MED16: variants seen among roughly 807,000 people sequenced by gnomAD.
MED16 encodes mediator of RNA polymerase II transcription subunit 16.
MED16 carries 81 observed loss-of-function variants against 84.4 expected under a neutral mutation model. The observed-to-expected ratio is 0.96, with a 90% CI of 0.80 to 1.15. The LOEUF (loss-of-function observed/expected upper bound fraction) is 1.15, where lower values mean the gene tolerates loss of function less well. MED16 is among the 50% of genes most tolerant of loss of function. The pLI is 0.00. For synonymous variants in MED16, 897 were observed against 552.2 expected, an observed-to-expected ratio of 1.62 and a Z score of -8.76; for missense variants, 1,585 against 1,245.9, an observed-to-expected ratio of 1.27 and a Z score of -4.10.
In MED16 at chr19:868,191, A is replaced by G; in HGVS notation, c.2544T>C (p.Pro848=). 2 of 1,608,126 alleles carry G rather than the reference A, an allele frequency of 1.2e-6. No homozygotes were observed. The highest frequency in any genetic ancestry group is 1.7e-6 in the Non-Finnish European group (2 of 1,177,926). ...ACTGCGGGCCCAGCTGGACAAAGGC[A>G]GGGGCTTCCTCAGAAGCTCTGCTGG... The part of the protein sequence containing the change: ...CVTSRASEEA[P]AFVQLGPQST... Residue 848 remains proline (P), a synonymous_variant, in exon 16 of 16, where the codon CCT becomes CCC. Coordinates refer to ENST00000325464, the MANE Select transcript of MED16 (RefSeq NM_005481.3).
chr19:871,074 C>T lies in MED16; in HGVS notation c.2278G>A (p.Gly760Ser). 6.5e-7 allele frequency: 1 copy of T among 1,547,148 alleles called. No homozygotes were observed. The highest frequency in any genetic ancestry group is 1.2e-5 in the South Asian group (1 of 83,940). ...LQFGRAPTLP[G>S]SAATLQLDGL... ...TCGAGCTGCAGGGTGGCAGCACTGC[C>T]AGGCAGCGTGGGCGCCCGGCCAAAC... The change falls in exon 13 of 16, where the codon GGC becomes AGC. Residue 760 changes from glycine to serine, a missense_variant. Gly to Ser is a moderately conservative substitution (Grantham distance 56, BLOSUM62 0). Coordinates refer to ENST00000325464, the MANE Select transcript of MED16 (RefSeq NM_005481.3).
chr19:890,259 C>A lies in MED16; in HGVS notation c.170-15G>T, dbSNP rs778877685. On this transcript the variant is annotated splice_polypyrimidine_tract_variant and intron_variant, in intron 2 of 15. Transcript: ENST00000325464. ...GCGGGTCAGGTCTGTGGGGACGGGG[C>A]ATGGTCAGCACGGCCTGGCACCACA... 4.0e-6 allele frequency: 6 copies of A among 1,513,426 alleles called. No individual in the cohort carries two copies. In the African/African-American group the frequency reaches 6.9e-5, roughly 18 times the overall value. 93.7% of individuals were successfully genotyped at this position (1,513,426 alleles called of 1,614,324 possible).
At chr19:890,305 A>T in intron 2 of MED16, 61 bp from the exon 3 acceptor site, 1 of 1,206,688 alleles carries the variant, frequency 8.3e-7, no homozygotes, top group Non-Finnish European at 1.1e-6. Context: ...GATGACGATG[A>T]CTCCAGGCAG....
intron 6 of MED16, among the ~76,000 whole-genome samples, chr19:882,407 G>A (rs776208404): frequency 6.6e-6 from 1 of 151,832 alleles, no homozygotes; most frequent in Non-Finnish European, 1.5e-5. Context: ...CACGCCTGTA[G>A]TCCCAGCTAC....
chr19:886,261 C>T, intron 4 of MED16, 60 bp from the exon 5 acceptor site: 1 of 1,369,848 alleles, frequency 7.3e-7, no homozygotes, highest in Non-Finnish European at 9.7e-7. Flanking sequence ...TGCCCCATGA[C>T]CCCCAGAAAC....
Position 886,109 on chromosome 19 carries a change from G to A in MED16, c.540C>T (p.Ile180=), listed in dbSNP as rs748888768. The part of the protein sequence containing the change: ...LFGGKPMEGW[I]AVTVSGLVTV... The stretch of plus-strand genomic sequence containing the variant: ...TGACCAGGCCGCTGACCGTCACCGC[G>A]ATCCAGCCCTCCATGGGCTTGCCGC... Residue 180 remains isoleucine (I), a synonymous_variant, in exon 5 of 16, where the codon ATC becomes ATT. Transcript: ENST00000325464. The A allele has an allele frequency of 1.6e-5, 26 of 1,586,488 alleles. No individual in the cohort carries two copies. The highest frequency in any genetic ancestry group is 2.2e-5 in the South Asian group (2 of 90,494).
chr19:868,926 A>G lies in MED16; in HGVS notation c.2336T>C (p.Ile779Thr). 1 of 1,547,060 alleles carries G rather than the reference A, an allele frequency of 6.5e-7. No individual in the cohort carries two copies. The highest frequency in any genetic ancestry group is 8.7e-7 in the Non-Finnish European group (1 of 1,152,138). The change falls in exon 14 of 16, where the codon ATC becomes ACC. Residue 779 changes from isoleucine to threonine, a missense_variant. Transcript: ENST00000325464. ...GLARAPGQPK[I>T]DHLRRLHLGA... ...AAGGTGCAGCCTCCGCAGGTGGTCG[A>G]TCTTGGGCTGGCCTGGGGCCCTGGC...
rs557103090 is a variant in MED16 at position 881,391 on chromosome 19, T to C, written c.1141+168A>G. 6.6e-5 allele frequency among the ~76,000 whole-genome samples: 10 copies of C among 152,284 alleles called. No individual in the cohort carries two copies. The East Asian group carries it at 1.5e-3, about 24-fold the overall frequency. On this transcript the variant is annotated intron_variant, in intron 7 of 15. Coordinates refer to ENST00000325464, the MANE Select transcript of MED16 (RefSeq NM_005481.3). Reference sequence around the variant, plus strand: ...CCGAAAGATGAGATCTGCCTCCTAATTGGGAACCCATCAGAACCCAGAAGG... The same window carrying C: ...CCGAAAGATGAGATCTGCCTCCTAACTGGGAACCCATCAGAACCCAGAAGG...
intron 13 of MED16, among the ~76,000 whole-genome samples, chr19:870,552 C>T (rs1006683982): frequency 2.1e-5 from 3 of 143,672 alleles, no homozygotes; most frequent in Non-Finnish European, 4.6e-5. Flanking sequence ...CAGAGTGAGA[C>T]CCTGTCGGGG....
rs1244311783 is a variant in MED16, at chr19:885,632, A to G, written c.879+138T>C. ...AGGCAGAAAATGGGTTCTCCCCTGG[A>G]GCCCCCGGGAGGGACCGGCCCTGCC... On this transcript the variant is annotated intron_variant, in intron 5 of 15. Transcript: ENST00000325464. The G allele has an allele frequency of 8.8e-5, 90 of 1,019,722 alleles. No homozygotes were observed. The East Asian group carries it at 2.4e-3, about 27-fold the overall frequency. The allele number at this position is 1,019,722 out of a possible 1,614,324, so 63.2% of individuals were successfully genotyped here. A position where few individuals can be genotyped will look rare whatever the true frequency, so the allele number is the denominator to read the frequency against.
chr19:876,913 G>GGCCCCCACCTGCCACAGA, intron 9 of MED16, 61 bp downstream of exon 9: 1 of 1,518,950 alleles, frequency 6.6e-7, no homozygotes, highest in Non-Finnish European at 8.8e-7. Context: ...CCTGCCACGG[G>GGCCCCCACCTGCCACAGA]GCCCCCACCT....
chr19:868,462 TTC>T lies in MED16; in HGVS notation c.2435_2436del (p.Arg812AsnfsTer19). 1.2e-6 allele frequency: 2 copies of T among 1,611,110 alleles called. No homozygotes were observed. The highest frequency in any genetic ancestry group is 1.3e-5 in the African/African-American group (1 of 75,028). On this transcript the variant is annotated frameshift_variant, in exon 15 of 16. Transcript: ENST00000325464. LOFTEE classifies it low-confidence loss of function (END_TRUNC). ...GCVTMLKSPN[R>X]TTAVKQWEQR... ...TGCTCCCACTGCTTCACCGCCGTGG[TTC>T]TGTTGGGCGACTTGAGCATGGTGAC...
intron 10 of MED16, among the ~76,000 whole-genome samples, chr19:874,402 G>A (rs1014382568): frequency 2.5e-4 from 38 of 152,134 alleles, no homozygotes; most frequent in African/African-American, 8.0e-4. Flanking sequence ...GAGTCGCCAC[G>A]CCCAGCAACC....
chr19:875,874 G>GGAGGCGGAGGCT (rs1555715665), intron 9 of MED16, among the ~76,000 whole-genome samples: 3 of 152,282 alleles, frequency 2.0e-5, no homozygotes, highest in African/African-American at 7.2e-5. Context: ...AAGCATTTTG[G>GGAGGCGGAGGCT]GAGGCTGAGG....
intron 11 of MED16, 31 bp downstream of exon 11, chr19:873,418 G>C: frequency 3.1e-6 from 5 of 1,594,868 alleles, no homozygotes; most frequent in Non-Finnish European, 4.3e-6. Context: ...CCCAGGTGGG[G>C]GGCGGGGCCT....
chr19:888,006 C>T (rs983721077), intron 4 of MED16, among the ~76,000 whole-genome samples: 1 of 151,824 alleles, frequency 6.6e-6, no homozygotes, highest in Non-Finnish European at 1.5e-5. Context: ...AGTTCGAGAC[C>T]ACCCTGACCA....
chr19:879,466 GTTGT>G (rs2036359669), intron 8 of MED16, among the ~76,000 whole-genome samples: 2 of 131,298 alleles, frequency 1.5e-5, no homozygotes, highest in African/African-American at 2.9e-5. Context: ...CCTTCCCCTG[GTTGT>G]CAATGCCCAC....
In MED16 at chr19:888,479, G is replaced by A. The variant is rs553444828; in HGVS notation, c.447+1159C>T. Among the ~76,000 whole-genome samples, 8 of 147,014 alleles carry A rather than the reference G, an allele frequency of 5.4e-5. No homozygotes were observed. In the South Asian group the frequency reaches 6.4e-4, roughly 12 times the overall value. Reference sequence around the variant, plus strand: ...GCAGAGGTTGCTGTGAGCCAAGATCGCATCACTGCACTCCAGCCTGGGGGA... The same window carrying A: ...GCAGAGGTTGCTGTGAGCCAAGATCACATCACTGCACTCCAGCCTGGGGGA... On this transcript the variant is annotated intron_variant, in intron 4 of 15. Transcript: ENST00000325464.
At chr19:880,259 G>T (rs1173466610) in intron 7 of MED16, 111 bp from the exon 8 acceptor site, 2 of 984,158 alleles carry the variant, frequency 2.0e-6, no homozygotes, top group Non-Finnish European at 2.8e-6. Context: ...CATCCAGGGG[G>T]TCAGCCCCCG....
Sources: gnomAD v4.1 joint callset for allele counts (sites outside exome capture counted in the v4.1 genomes callset) on GRCh38, gnomAD v4.1.1 for gene constraint, MANE v1.5 for transcripts, NCBI Gene and HGNC (gene_info 2026-07-23, HGNC 2026-07-21) for gene names.